Variants in GNL3L observed in about 807,000 individuals in gnomAD.
GNL3L encodes the protein G protein nucleolar 3 like, also known as guanine nucleotide-binding protein-like 3-like protein.
Under a neutral mutation model 42.9 loss-of-function variants are expected in GNL3L, and 4 were observed. That is an observed-to-expected ratio of 0.09 (90% CI 0.05 to 0.21). The LOEUF is 0.21. Among genes scored for constraint, GNL3L ranks in the 10% least tolerant of loss-of-function variants. The probability of loss-of-function intolerance (pLI) is 1.00; values close to 1 mark genes in which losing one functional copy is unlikely to be tolerated. For synonymous variants in GNL3L, 159 were observed against 176.3 expected (o/e 0.90, Z 0.78); for missense variants, 412 against 481.7 (o/e 0.86, Z 1.36).
intron 16 of GNL3L, among the ~76,000 whole-genome samples, chrX:54,575,364 C>T: frequency 8.9e-6 from 1 of 112,069 alleles, no homozygotes. Flanking sequence ...TCCAAATTTC[C>T]TTCTGTTGTT....
chrX:54,594,145 G>C (rs1925903273), intron 16 of GNL3L, among the ~76,000 whole-genome samples: 1 of 110,970 alleles, frequency 9.0e-6, no homozygotes, highest in Admixed American at 9.6e-5. Flanking sequence ...GATTAAGTCT[G>C]ATTTTTTTTG....
the GNL3L span, among the ~76,000 whole-genome samples, chrX:54,640,195 G>C: frequency 8.9e-6 from 1 of 111,763 alleles, no homozygotes; most frequent in African/African-American, 3.3e-5. Flanking sequence ...GCACCTCGGG[G>C]AGGGCCTGGT....
chrX:54,637,566 G>A, the GNL3L span, among the ~76,000 whole-genome samples: 2 of 112,129 alleles, frequency 1.8e-5, no homozygotes, highest in Non-Finnish European at 3.8e-5. Context: ...TCTTGTGCAA[G>A]GGCCTGATAT....
chrX:54,551,477 C>A (rs1924936661), intron 10 of GNL3L, 91 bp from the exon 11 acceptor site: 1 of 749,142 alleles, frequency 1.3e-6, no homozygotes, highest in African/African-American at 2.1e-5. Flanking sequence ...CCTCCCCTCA[C>A]TCCTTTACAC....
At chrX:54,634,048 T>G in the GNL3L span, among the ~76,000 whole-genome samples, 1 of 112,515 alleles carries the variant, frequency 8.9e-6, no homozygotes, top group Non-Finnish European at 1.9e-5. Context: ...CAAGATTCTC[T>G]TTGTCTTTGT....
Position 54,585,981 on chromosome X carries a change from C to T in GNL3L, c.*45+25334C>T, listed in dbSNP as rs200384378. 4.5e-5 allele frequency among the ~76,000 whole-genome samples: 5 copies of T among 111,621 alleles called. No individual in the cohort carries two copies. In the East Asian group the frequency reaches 1.1e-3, roughly 25 times the overall value. On this transcript the variant is annotated intron_variant, in intron 16 of 16. Transcript: ENST00000674498. ...AAGATTTTTTCTGGGTAAGGGGCTT[C>T]AAGATGGCTGATTAGAGGCATCTCC...
rs1003838842 is a variant in GNL3L at position 54,543,427 on chromosome X, C to T, written c.526+85C>T. On this transcript the variant is annotated intron_variant, in intron 7 of 15. Coordinates refer to ENST00000360845, the MANE Select transcript of GNL3L (RefSeq NM_001184819.2). ...AGCTTGGACCAGACACTGAACCCAG[C>T]AACTCAGTGATACTCATAATAGTCA... 1.5e-5 allele frequency: 14 copies of T among 954,536 alleles called. No individual in the cohort carries two copies. In the African/African-American group the frequency reaches 2.1e-4, roughly 14 times the overall value. 78.7% of individuals were successfully genotyped at this position (954,536 alleles called of 1,213,427 possible).
chrX:54,637,475 A>G, the GNL3L span, among the ~76,000 whole-genome samples: 3 of 111,586 alleles, frequency 2.7e-5, no homozygotes. Context: ...ACACATGTGC[A>G]TGCACACACA....
intron 16 of GNL3L, among the ~76,000 whole-genome samples, chrX:54,601,523 A>G (rs772613336): frequency 2.4e-4 from 27 of 111,588 alleles, no homozygotes; most frequent in Admixed American, 3.8e-4. Context: ...TTTTAGTGGG[A>G]TGACCAGAGA....
rs773626886 is a variant in GNL3L at position 54,543,075 on chromosome X, G to T, written c.390+37G>T. 1.9e-5 allele frequency: 21 copies of T among 1,086,488 alleles called. No individual in the cohort carries two copies. In the South Asian group the frequency reaches 3.9e-4, roughly 20 times the overall value. 89.5% of individuals were successfully genotyped at this position (1,086,488 alleles called of 1,213,427 possible). A position where few individuals can be genotyped will look rare whatever the true frequency, so the allele number is the denominator to read the frequency against. ...CATTTCTTCAGGCTTTTGCGGGAGG[G>T]TTCCAGTCCAGCCCCTTTTCCTCTC... On this transcript the variant is annotated intron_variant, in intron 6 of 15. Transcript: ENST00000360845.
intron 15 of GNL3L, among the ~76,000 whole-genome samples, chrX:54,558,923 C>T: frequency 8.9e-6 from 1 of 112,078 alleles, no homozygotes; most frequent in Non-Finnish European, 1.9e-5. Flanking sequence ...TTCCAAAGTG[C>T]TAGGATTACA....
Position 54,530,791 on chromosome X carries a change from G to A in GNL3L, c.-48+372G>A, listed in dbSNP as rs759148903. On this transcript the variant is annotated intron_variant, in intron 1 of 15. Transcript: ENST00000360845. ...AAGGCACTTCCTTGGCTTGGCTCTA[G>A]ACAGCCGTCTCGAGGCACCTCCTCA... 1.1e-4 allele frequency among the ~76,000 whole-genome samples: 12 copies of A among 111,964 alleles called. No individual in the cohort carries two copies. In the East Asian group the frequency reaches 3.4e-3, roughly 32 times the overall value.
At chrX:54,567,594 C>T (rs890953262), downstream of GNL3L, among the ~76,000 whole-genome samples, 2 of 104,757 alleles carry the variant, frequency 1.9e-5, no homozygotes, top group African/African-American at 3.5e-5. Flanking sequence ...TGCAGTGAGC[C>T]GAGATCACAC....
chrX:54,632,991 G>C, the GNL3L span, among the ~76,000 whole-genome samples: 4 of 111,272 alleles, frequency 3.6e-5, no homozygotes, highest in Non-Finnish European at 5.7e-5. Flanking sequence ...CTTCTCCTAA[G>C]GACGGGGCTT....
At chrX:54,558,704 T>C (rs773500433) in intron 15 of GNL3L, 49 bp downstream of exon 15, 3 of 932,186 alleles carry the variant, frequency 3.2e-6, no homozygotes, top group African/African-American at 4.0e-5. Flanking sequence ...CCACATGGGA[T>C]CTTTTTTTGT....
Position 54,594,229 on chromosome X carries a change from G to T in GNL3L, c.*46-26616G>T, listed in dbSNP as rs773188018. ...GAAATCTACAGCTATTATTGTATTG[G>T]AGTCTATCTGTCTTTTTTAGCTCTA... On this transcript the variant is annotated intron_variant, in intron 16 of 16. Transcript: ENST00000674498. Among the ~76,000 whole-genome samples, 13 of 111,453 alleles carry T rather than the reference G, an allele frequency of 1.2e-4. No individual in the cohort carries two copies. The South Asian group carries it at 3.7e-3, about 32-fold the overall frequency.
chrX:54,553,520 C>T (rs984609918), intron 13 of GNL3L, among the ~76,000 whole-genome samples: 2 of 111,838 alleles, frequency 1.8e-5, no homozygotes, highest in Non-Finnish European at 3.8e-5. Context: ...GCAAGTCAGC[C>T]CCCTTTCTGA....
chrX:54,531,962 A>G (rs1924262440), intron 1 of GNL3L, among the ~76,000 whole-genome samples: 1 of 109,754 alleles, frequency 9.1e-6, no homozygotes, highest in African/African-American at 3.3e-5. Context: ...ACTTATCTCA[A>G]TCCATATAGA....
At chrX:54,582,796 T>A (rs1044248527) in intron 16 of GNL3L, among the ~76,000 whole-genome samples, 1 of 112,068 alleles carries the variant, frequency 8.9e-6, no homozygotes, top group African/African-American at 3.2e-5. Flanking sequence ...TTGGCCAGGC[T>A]GGTCTCCAAC....
Sources: allele counts gnomAD v4.1 joint callset (sites outside exome capture counted in the v4.1 genomes callset), GRCh38; gene constraint gnomAD v4.1.1; transcripts MANE v1.5; gene names NCBI Gene and HGNC (gene_info 2026-07-23, HGNC 2026-07-21).